FARS2: variants seen among roughly 807,000 people sequenced by gnomAD.
FARS2 encodes the protein phenylalanyl-tRNA synthetase 2, mitochondrial, also known as phenylalanine--tRNA ligase, mitochondrial.
Under a neutral mutation model 46.4 loss-of-function variants are expected in FARS2, and 40 were observed. The observed-to-expected ratio is 0.86, with a 90% CI of 0.67 to 1.12. The LOEUF is 1.12. FARS2 is among the 50% of genes most tolerant of loss of function. The pLI, the probability that FARS2 is intolerant of heterozygous loss-of-function variation, is 0.00. For missense variants in FARS2, 513 were observed against 567.9 expected (o/e 0.90, Z 0.98); for synonymous variants, 234 against 214.9 (o/e 1.09, Z -0.78).
chr6:5,437,867 A>T (rs1288141397), intron 4 of FARS2, among the ~76,000 whole-genome samples: 1 of 152,132 alleles, frequency 6.6e-6, no homozygotes, highest in African/African-American at 2.4e-5. Context: ...TATTCCTGAA[A>T]ATACATGTTT....
intron 4 of FARS2, among the ~76,000 whole-genome samples, chr6:5,440,166 A>G (rs1763758420): frequency 6.6e-6 from 1 of 152,232 alleles, no homozygotes; most frequent in Admixed American, 6.5e-5. Context: ...TCCTACATAA[A>G]ATAGATTCTT....
At chr6:5,334,297 C>G (rs1052675155) in intron 1 of FARS2, among the ~76,000 whole-genome samples, 1 of 152,142 alleles carries the variant, frequency 6.6e-6, no homozygotes, top group African/African-American at 2.4e-5. Context: ...TGGCGCACTC[C>G]CTCTTAGGAG....
chr6:5,431,977 GA>G (rs10707461), intron 4 of FARS2, among the ~76,000 whole-genome samples: 151,770 of 151,772 alleles, frequency 1, 75,884 homozygotes, highest in Non-Finnish European at 1. Context: ...ATACTTTTTT[GA>G]AAGTTACTAT....
chr6:5,323,318 A>G (rs1770117766), intron 1 of FARS2, among the ~76,000 whole-genome samples: 1 of 152,210 alleles, frequency 6.6e-6, no homozygotes, highest in South Asian at 2.1e-4. Flanking sequence ...GGGTCATTTA[A>G]AGTGAGAGAG....
At chr6:5,450,934 C>A (rs771685484) in intron 4 of FARS2, among the ~76,000 whole-genome samples, 41 of 152,256 alleles carry the variant, frequency 2.7e-4, no homozygotes, top group Non-Finnish European at 4.9e-4. Context: ...GGGTCCTCCC[C>A]TCATCTTCTG....
chr6:5,682,301 A>C (rs1779074896), intron 6 of FARS2, among the ~76,000 whole-genome samples: 1 of 152,248 alleles, frequency 6.6e-6, no homozygotes, highest in Admixed American at 6.5e-5. Context: ...TAGAGGAAGC[A>C]GGGAAAAAGA....
intron 4 of FARS2, among the ~76,000 whole-genome samples, chr6:5,459,845 G>A (rs1264141828): frequency 6.6e-6 from 1 of 152,062 alleles, no homozygotes; most frequent in Non-Finnish European, 1.5e-5. Flanking sequence ...TGACATCTGA[G>A]TCTTTGGAAT....
chr6:5,498,022 C>G (rs1225716526), intron 4 of FARS2, among the ~76,000 whole-genome samples: 1 of 152,182 alleles, frequency 6.6e-6, no homozygotes, highest in African/African-American at 2.4e-5. Context: ...CTTCTCTGAT[C>G]ACATCTGCTT....
At chr6:5,674,739 G>T (rs1778670026) in intron 6 of FARS2, among the ~76,000 whole-genome samples, 1 of 152,106 alleles carries the variant, frequency 6.6e-6, no homozygotes, top group Non-Finnish European at 1.5e-5. Flanking sequence ...TAACCTAAAT[G>T]AGATCAATAT....
intron 2 of FARS2, among the ~76,000 whole-genome samples, chr6:5,390,243 C>T (rs1469512961): frequency 6.6e-6 from 1 of 152,194 alleles, no homozygotes; most frequent in African/African-American, 2.4e-5. Flanking sequence ...CTTTCTTTCC[C>T]TGTGAGGTAA....
intron 6 of FARS2, among the ~76,000 whole-genome samples, chr6:5,681,933 A>G (rs933070576): frequency 6.6e-5 from 10 of 152,038 alleles, no homozygotes; most frequent in Non-Finnish European, 1.5e-4. Flanking sequence ...AGTTTGCTCT[A>G]ATAAACTAAC....
intron 3 of FARS2, among the ~76,000 whole-genome samples, chr6:5,429,391 C>T (rs1290016373): frequency 6.6e-6 from 1 of 152,218 alleles, no homozygotes; most frequent in East Asian, 1.9e-4. Flanking sequence ...AATCTGCCTT[C>T]TCCTGTGGAA....
At chr6:5,497,276 G>C (rs1241466883) in intron 4 of FARS2, among the ~76,000 whole-genome samples, 1 of 152,166 alleles carries the variant, frequency 6.6e-6, no homozygotes, top group African/African-American at 2.4e-5. Flanking sequence ...GAAAGAGTGA[G>C]TTTGAATTGA....
intron 2 of FARS2, among the ~76,000 whole-genome samples, chr6:5,392,940 GTATA>G (rs976890700): frequency 2.5e-5 from 3 of 118,826 alleles, no homozygotes; most frequent in African/African-American, 7.9e-5. Flanking sequence ...ATGTGTGTGT[GTATA>G]TATATATACA....
At chr6:5,565,031 G>C (rs1772242942) in intron 5 of FARS2, among the ~76,000 whole-genome samples, 1 of 152,132 alleles carries the variant, frequency 6.6e-6, no homozygotes, top group Admixed American at 6.5e-5. Context: ...GTGTCCTGTT[G>C]ATGAAGAAAA....
chr6:5,720,930 G>A (rs1430970534), intron 6 of FARS2, among the ~76,000 whole-genome samples: 1 of 152,150 alleles, frequency 6.6e-6, no homozygotes, highest in South Asian at 2.1e-4. Context: ...GCACATGCCT[G>A]TAGTCCCAGC....
Position 5,283,276 on chromosome 6 carries a change from G to A in FARS2, c.-22+21616G>A, listed in dbSNP as rs546658551. Among the ~76,000 whole-genome samples the A allele has an allele frequency of 6.0e-5, 9 of 149,970 alleles. No homozygotes were observed. In the South Asian group the frequency reaches 1.9e-3, roughly 32 times the overall value. ...TAATCCCAGCTACTCAGGAGGCTGA[G>A]ATAGGAGAATCACTTGAACCTGGGA... On this transcript the variant is annotated intron_variant, in intron 1 of 6. Transcript: ENST00000274680.
Position 5,717,923 on chromosome 6 carries a change from T to TAGAGAGAGAGAGAGAGAGAGAG in FARS2, c.1218-53367_1218-53366insGAGAGAGAGAGAGAGAGAGAGA. 2.0e-3 allele frequency among the ~76,000 whole-genome samples: 62 copies of TAGAGAGAGAGAGAGAGAGAGAG among 31,240 alleles called. 1 individual carries two copies. The highest frequency in any genetic ancestry group is 0.015 in the African/African-American group (58 of 3,850). The allele number at this position is 31,240 out of a possible 152,430, so 20.5% of individuals were successfully genotyped here. On this transcript the variant is annotated intron_variant, in intron 6 of 6. Coordinates refer to ENST00000274680, the MANE Select transcript of FARS2 (RefSeq NM_006567.5). ...AAGGTATCAGCTATATATATATATA[T>TAGAGAGAGAGAGAGAGAGAGAG]ATATATATATATACAGAGTCTCACT... is the stretch of plus-strand genomic sequence containing the variant.
intron 1 of FARS2, among the ~76,000 whole-genome samples, chr6:5,359,881 C>T (rs59783375): frequency 0.025 from 3,788 of 152,300 alleles, 158 homozygotes; most frequent in African/African-American, 0.086. Context: ...CTTGAGGGCT[C>T]GTCTTTTGTC....
Sources: allele counts gnomAD v4.1 joint callset (sites outside exome capture counted in the v4.1 genomes callset), GRCh38; gene constraint gnomAD v4.1.1; transcripts MANE v1.5; gene names NCBI Gene and HGNC (gene_info 2026-07-23, HGNC 2026-07-21).